The following SLC18A3 variants were observed in gnomAD, a reference collection of about 807,000 sequenced individuals.
The protein encoded by SLC18A3 is solute carrier family 18 member A3, also known as vesicular acetylcholine transporter.
In SLC18A3, 18 loss-of-function variants were observed where a neutral mutation model predicts 24.2. That is an observed-to-expected ratio of 0.74 (90% CI 0.51 to 1.10). SLC18A3 has a LOEUF of 1.10. Ranked by LOEUF, SLC18A3 falls within the 50% of genes least tolerant of loss-of-function variation. The pLI is 0.00. For missense variants in SLC18A3, 744 were observed against 750.7 expected (o/e 0.99, Z 0.10); for synonymous variants, 415 against 355.4 (o/e 1.17, Z -1.89).
In SLC18A3 at chr10:49,610,760, C is replaced by T; in HGVS notation, c.20C>T (p.Ala7Val). The change falls in exon 1 of 1, where the codon GCG becomes GTG. Residue 7 changes from alanine (A) to valine (V), a missense_variant. Ala to Val is a moderately conservative substitution (Grantham distance 64). This residue lies in a region of SLC18A3 where 566 missense variants were observed against 566.2 expected (regional missense o/e 1.00). Transcript: ENST00000374115. MESAEP[A>V]GQARAAATKL... Reference sequence around the variant, plus strand: ...GGGGGCATGGAATCCGCGGAACCTGCGGGCCAGGCCCGGGCGGCGGCCACC... The same window carrying T: ...GGGGGCATGGAATCCGCGGAACCTGTGGGCCAGGCCCGGGCGGCGGCCACC... 1.3e-6 allele frequency: 2 copies of T among 1,537,190 alleles called. No individual in the cohort carries two copies. The highest frequency in any genetic ancestry group is 1.7e-6 in the Non-Finnish European group (2 of 1,145,262).
Position 49,611,041 on chromosome 10 carries a change from C to T in SLC18A3, c.301C>T (p.Pro101Ser). Residue 101 changes from proline to serine, a missense_variant, in exon 1 of 1, where the codon CCG becomes TCG. This residue lies in a region of SLC18A3 where 566 missense variants were observed against 566.2 expected (regional missense o/e 1.00). Transcript: ENST00000374115. The part of the protein sequence containing the change: ...SAYTANTSAS[P>S]TAAWPAGSAL... Reference sequence around the variant, plus strand: ...CTACACGGCCAACACCTCGGCGTCCCCGACAGCTGCGTGGCCAGCGGGCTC... The same window carrying T: ...CTACACGGCCAACACCTCGGCGTCCTCGACAGCTGCGTGGCCAGCGGGCTC... 6.2e-7 allele frequency: 1 copy of T among 1,614,030 alleles called. No homozygotes were observed. Among genetic ancestry groups the T allele is most frequent in the Non-Finnish European group, 8.5e-7 (1 of 1,179,958 alleles).
At position 49,612,699 on chromosome 10, in the gene SLC18A3, A is replaced by G; in HGVS notation, c.*360A>G. ...CACCGCGGCGCCTCCGCCCAAATCA[A>G]TAAACTGTGTCTGTCCCAGGAGGCC... On this transcript the variant is annotated 3_prime_UTR_variant, in exon 1 of 1. Coordinates refer to ENST00000374115, the MANE Select transcript of SLC18A3 (RefSeq NM_003055.3). The G allele has an allele frequency of 7.8e-6, 2 of 256,612 alleles. No homozygotes were observed. Among genetic ancestry groups the G allele is most frequent in the Non-Finnish European group, 1.6e-5 (2 of 128,430 alleles). 15.9% of individuals were successfully genotyped at this position (256,612 alleles called of 1,614,324 possible).
At position 49,611,820 on chromosome 10, in the gene SLC18A3, C is replaced by T. The variant is rs772526674; in HGVS notation, c.1080C>T (p.Gly360=). The change falls in exon 1 of 1, where the codon GGC becomes GGT. Residue 360 remains glycine (G), a synonymous_variant. Coordinates refer to ENST00000374115, the MANE Select transcript of SLC18A3 (RefSeq NM_003055.3). ...ARYPHLQWLY[G]ALGLAVIGAS... is the part of the protein sequence containing the mutation. Reference sequence around the variant, plus strand: ...ACCCACACCTGCAGTGGCTGTACGGCGCGCTTGGGCTGGCTGTGATCGGCG... The same window carrying T: ...ACCCACACCTGCAGTGGCTGTACGGTGCGCTTGGGCTGGCTGTGATCGGCG... 1 of 1,603,718 alleles carries T rather than the reference C, an allele frequency of 6.2e-7. No homozygotes were observed. Among genetic ancestry groups the T allele is most frequent in the Non-Finnish European group, 8.5e-7 (1 of 1,179,710 alleles).
At position 49,611,060 on chromosome 10, in the gene SLC18A3, C is replaced by T. The variant is rs776937045; in HGVS notation, c.320C>T (p.Ala107Val). The T allele has an allele frequency of 4.3e-6, 7 of 1,614,050 alleles. No homozygotes were observed. In the Admixed American group the frequency reaches 1.2e-4, roughly 27 times the overall value. ...TSASPTAAWP[A>V]GSALRPRYPT... is the part of the protein sequence containing the mutation. ...GCGTCCCCGACAGCTGCGTGGCCAG[C>T]GGGCTCAGCCCTTCGGCCCCGCTAC... Residue 107 changes from alanine to valine, a missense_variant, in exon 1 of 1, where the codon GCG becomes GTG. This residue lies in a region of SLC18A3 where 566 missense variants were observed against 566.2 expected (regional missense o/e 1.00). Coordinates refer to ENST00000374115, the MANE Select transcript of SLC18A3 (RefSeq NM_003055.3).
chr10:49,610,445 G>A lies in SLC18A3; in HGVS notation c.-296G>A. The stretch of plus-strand genomic sequence containing the variant: ...GGGGGCTGCTCTGGGCGCGCCCCGG[G>A]CGAAGTGCGCCCAGTCTCCGGCCCC... On this transcript the variant is annotated 5_prime_UTR_variant, in exon 1 of 1. Transcript: ENST00000374115. The A allele has an allele frequency of 2.8e-6, 1 of 351,214 alleles. No homozygotes were observed. The highest frequency in any genetic ancestry group is 7.3e-4 in the Middle Eastern group (1 of 1,368). The allele number at this position is 351,214 out of a possible 1,614,324, so 21.8% of individuals were successfully genotyped here. A position where few individuals can be genotyped will look rare whatever the true frequency, so the allele number is the denominator to read the frequency against.
rs1188732382 is a variant in SLC18A3, at chr10:49,612,304, G to A, written c.1564G>A (p.Glu522Lys). 8.1e-6 allele frequency: 13 copies of A among 1,609,106 alleles called. No homozygotes were observed. Among genetic ancestry groups the A allele is most frequent in the East Asian group, 4.5e-5 (2 of 44,816 alleles). ...RSPPGPFDACEDDYNYYYTRS is the reference protein window; with the variant it reads ...RSPPGPFDACKDDYNYYYTRS ...CCCGCCTGGCCCTTTTGATGCGTGCGAGGACGACTACAACTACTACTACAC... is the reference window on the plus strand; with the variant it reads ...CCCGCCTGGCCCTTTTGATGCGTGCAAGGACGACTACAACTACTACTACAC... Residue 522 changes from glutamate to lysine, a missense_variant, in exon 1 of 1, where the codon GAG becomes AAG. This residue lies in a region of SLC18A3 where 160 missense variants were observed against 140.9 expected (regional missense o/e 1.14). Coordinates refer to ENST00000374115, the MANE Select transcript of SLC18A3 (RefSeq NM_003055.3).
At position 49,612,336 on chromosome 10, in the gene SLC18A3, C is replaced by G. The variant is rs1838324239; in HGVS notation, c.1596C>G (p.Ser532Arg). The G allele has an allele frequency of 1.9e-6, 3 of 1,581,782 alleles. No homozygotes were observed. The highest frequency in any genetic ancestry group is 1.7e-5 in the Admixed American group (1 of 57,794). Residue 532 changes from serine to arginine, a missense_variant, in exon 1 of 1, where the codon AGC becomes AGG. Coordinates refer to ENST00000374115, the MANE Select transcript of SLC18A3 (RefSeq NM_003055.3). The stretch of plus-strand genomic sequence containing the variant: ...ACTACAACTACTACTACACCCGCAG[C>G]TAGCATCCCCACTCCTCCTCCAGCC... ...EDDYNYYYTR[S>R]
chr10:49,611,280 G>T lies in SLC18A3; in HGVS notation c.540G>T (p.Ala180=). 6.2e-7 allele frequency: 1 copy of T among 1,610,776 alleles called. No homozygotes were observed. Among genetic ancestry groups the T allele is most frequent in the Non-Finnish European group, 8.5e-7 (1 of 1,179,932 alleles). Residue 180 remains alanine (A), a synonymous_variant, in exon 1 of 1, where the codon GCG becomes GCT. Coordinates refer to ENST00000374115, the MANE Select transcript of SLC18A3 (RefSeq NM_003055.3). ...AFAEDYATLF[A]ARSLQGLGSA... ...CCGAGGACTACGCCACGCTGTTCGC[G>T]GCGCGCAGCCTGCAGGGCCTGGGCT...
At position 49,610,649 on chromosome 10, in the gene SLC18A3, T is replaced by C; in HGVS notation, c.-92T>C. 2 of 1,305,560 alleles carry C rather than the reference T, an allele frequency of 1.5e-6. No individual in the cohort carries two copies. The highest frequency in any genetic ancestry group is 3.3e-5 in the South Asian group (2 of 60,618). The allele number at this position is 1,305,560 out of a possible 1,614,324, so 80.9% of individuals were successfully genotyped here. On this transcript the variant is annotated 5_prime_UTR_variant, in exon 1 of 1. Coordinates refer to ENST00000374115, the MANE Select transcript of SLC18A3 (RefSeq NM_003055.3). ...GGGAGTCTGCTCGGCCAGGACAGCC[T>C]CCCCGAAGTCCCGTGCCCTCGCCTC...
Position 49,611,000 on chromosome 10 carries a change from C to T in SLC18A3, c.260C>T (p.Pro87Leu). The T allele has an allele frequency of 1.9e-6, 3 of 1,613,222 alleles. No homozygotes were observed. Among genetic ancestry groups the T allele is most frequent in the African/African-American group, 1.3e-5 (1 of 75,056 alleles). ...GAGCCCACCCTGCCGCTGCCCACTC[C>T]GGCCAATGCCAGCGCCTACACGGCC... is the stretch of plus-strand genomic sequence containing the variant. Reference protein sequence around the residue: ...VWEPTLPLPTPANASAYTANT... With the variant: ...VWEPTLPLPTLANASAYTANT... Residue 87 changes from proline (P) to leucine (L), a missense_variant, in exon 1 of 1, where the codon CCG becomes CTG. Physicochemically the swap from Pro to Leu is moderately conservative, Grantham distance 98. Coordinates refer to ENST00000374115, the MANE Select transcript of SLC18A3 (RefSeq NM_003055.3).
chr10:49,611,860 G>T lies in SLC18A3; in HGVS notation c.1120G>T (p.Val374Leu). 3.7e-6 allele frequency: 6 copies of T among 1,605,948 alleles called. No individual in the cohort carries two copies. Among genetic ancestry groups the T allele is most frequent in the Non-Finnish European group, 5.1e-6 (6 of 1,179,800 alleles). ...LAVIGASSCI[V>L]PACRSFAPLV... Reference sequence around the variant, plus strand: ...TGTGATCGGCGCCAGCTCGTGCATCGTGCCCGCCTGCCGCTCCTTCGCGCC... The same window carrying T: ...TGTGATCGGCGCCAGCTCGTGCATCTTGCCCGCCTGCCGCTCCTTCGCGCC... Residue 374 changes from valine to leucine, a missense_variant, in exon 1 of 1, where the codon GTG becomes TTG. Val to Leu is a conservative substitution (Grantham distance 32). Coordinates refer to ENST00000374115, the MANE Select transcript of SLC18A3 (RefSeq NM_003055.3).
At position 49,611,811 on chromosome 10, in the gene SLC18A3, G is replaced by T. The variant is rs1052148536; in HGVS notation, c.1071G>T (p.Trp357Cys). Residue 357 changes from tryptophan (W) to cysteine (C), a missense_variant, in exon 1 of 1, where the codon TGG (tryptophan) becomes TGT (cysteine). By Grantham distance (215) the Trp-to-Cys change is radical. Transcript: ENST00000374115. ...RLAARYPHLQ[W>C]LYGALGLAVI... is the part of the protein sequence containing the mutation. The stretch of plus-strand genomic sequence containing the variant: ...CGGCGCGCTACCCACACCTGCAGTG[G>T]CTGTACGGCGCGCTTGGGCTGGCTG... 1.2e-6 allele frequency: 2 copies of T among 1,603,478 alleles called. No individual in the cohort carries two copies. Among genetic ancestry groups the T allele is most frequent in the Non-Finnish European group, 1.7e-6 (2 of 1,179,762 alleles).
In SLC18A3 at chr10:49,611,904, C is replaced by T. The variant is rs778397784; in HGVS notation, c.1164C>T (p.Cys388=). ...RSFAPLVVSL[C]GLCFGIALVD... is the part of the protein sequence containing the mutation. ...TCGCGCCGCTAGTGGTCTCACTATG[C>T]GGCCTCTGTTTTGGCATAGCCCTAG... Residue 388 remains cysteine (C), a synonymous_variant, in exon 1 of 1, where the codon TGC becomes TGT. Coordinates refer to ENST00000374115, the MANE Select transcript of SLC18A3 (RefSeq NM_003055.3). 1.1e-4 allele frequency: 176 copies of T among 1,611,494 alleles called. No homozygotes were observed. The highest frequency in any genetic ancestry group is 1.4e-4 in the Non-Finnish European group (171 of 1,179,866).
Position 49,611,448 on chromosome 10 carries a change from T to G in SLC18A3, c.708T>G (p.Tyr236Ter), listed in dbSNP as rs1270083337. ...CCCCGCCCTTCGGGGGCATCCTCTA[T>G]GAGTTCGCCGGCAAGCGCGTGCCCT... ...LVAPPFGGIL[Y>*]EFAGKRVPFL... is the part of the protein sequence containing the mutation. Residue 236 changes from tyrosine to a stop codon, truncating the protein, a stop_gained, in exon 1 of 1, where the codon TAT becomes TAG. Transcript: ENST00000374115. LOFTEE classifies it high-confidence loss of function. 6.3e-7 allele frequency: 1 copy of G among 1,598,472 alleles called. No homozygotes were observed. The highest frequency in any genetic ancestry group is 8.5e-7 in the Non-Finnish European group (1 of 1,179,388).
Position 49,610,705 on chromosome 10 carries a change from G to A in SLC18A3, c.-36G>A. 1 of 1,461,502 alleles carries A rather than the reference G, an allele frequency of 6.8e-7. No homozygotes were observed. The highest frequency in any genetic ancestry group is 9.0e-7 in the Non-Finnish European group (1 of 1,112,420). The allele number at this position is 1,461,502 out of a possible 1,614,324, so 90.5% of individuals were successfully genotyped here. A position where few individuals can be genotyped will look rare whatever the true frequency, so the allele number is the denominator to read the frequency against. Reference sequence around the variant, plus strand: ...TGCGGGACGCCAGCGCTCGGCCCTGGCGGAGGCGTCCTCGGAAGAGCATCG... The same window carrying A: ...TGCGGGACGCCAGCGCTCGGCCCTGACGGAGGCGTCCTCGGAAGAGCATCG... On this transcript the variant is annotated 5_prime_UTR_variant, in exon 1 of 1. Transcript: ENST00000374115.
Position 49,612,448 on chromosome 10 carries a change from C to T in SLC18A3, c.*109C>T. 1 of 1,082,760 alleles carries T rather than the reference C, an allele frequency of 9.2e-7. No homozygotes were observed. Among genetic ancestry groups the T allele is most frequent in the Non-Finnish European group, 1.3e-6 (1 of 742,564 alleles). 67.1% of individuals were successfully genotyped at this position (1,082,760 alleles called of 1,614,324 possible). On this transcript the variant is annotated 3_prime_UTR_variant, in exon 1 of 1. Coordinates refer to ENST00000374115, the MANE Select transcript of SLC18A3 (RefSeq NM_003055.3). ...GGCCCACCTCCTCCAGCGAGTACCC[C>T]AGCCACTCCTCAACCTTGACTTCTG... is the stretch of plus-strand genomic sequence containing the variant.
rs747360682 is a variant in SLC18A3, at chr10:49,612,036, C to T, written c.1296C>T (p.Tyr432=). 9 of 1,613,772 alleles carry T rather than the reference C, an allele frequency of 5.6e-6. No homozygotes were observed. Among genetic ancestry groups the T allele is most frequent in the South Asian group, 1.1e-5 (1 of 91,056 alleles). ...AIADISYSVA[Y]ALGPIVAGHI... ...CCGACATCTCCTATTCGGTGGCCTA[C>T]GCGCTCGGGCCCATAGTGGCAGGCC... Residue 432 remains tyrosine (Y), a synonymous_variant, in exon 1 of 1, where the codon TAC becomes TAT. Transcript: ENST00000374115.
rs937543504 is a variant in SLC18A3, at chr10:49,612,576, G to A, written c.*237G>A. On this transcript the variant is annotated 3_prime_UTR_variant, in exon 1 of 1. Transcript: ENST00000374115. ...AAGCCATCGCGCTCCTTGCGGAGGT[G>A]AAGAGGACCCTGAGTCCCCACCTGC... 12 of 526,914 alleles carry A rather than the reference G, an allele frequency of 2.3e-5. No individual in the cohort carries two copies. The highest frequency in any genetic ancestry group is 1.5e-4 in the African/African-American group (8 of 52,130). The allele number at this position is 526,914 out of a possible 1,614,324, so 32.6% of individuals were successfully genotyped here. A position where few individuals can be genotyped will look rare whatever the true frequency, so the allele number is the denominator to read the frequency against.
Position 49,612,374 on chromosome 10 carries a change from T to C in SLC18A3, c.*35T>C. The C allele has an allele frequency of 1.3e-6, 2 of 1,553,026 alleles. No homozygotes were observed. ...TCCTCCTCCAGCCCACCCAACCGCC[T>C]TGGGTCAAGGGGGCTGCTCTGCAAG... On this transcript the variant is annotated 3_prime_UTR_variant, in exon 1 of 1. Transcript: ENST00000374115.
Sources: allele counts gnomAD v4.1 joint callset, GRCh38; gene constraint gnomAD v4.1.1; regional missense constraint gnomAD v4.1.1; transcripts MANE v1.5; gene names NCBI Gene and HGNC (gene_info 2026-07-23, HGNC 2026-07-21).